Variants in ANO7 observed in about 807,000 individuals in gnomAD.
ANO7 encodes the protein anoctamin-7.
In ANO7, 114 loss-of-function variants were observed where a neutral mutation model predicts 115.8. That is an observed-to-expected ratio of 0.98 (90% CI 0.85 to 1.15). The LOEUF is 1.15. Among genes scored for constraint, ANO7 ranks in the 50% most tolerant of loss-of-function variants. The probability of loss-of-function intolerance (pLI) is 0.00; values close to 1 mark genes in which losing one functional copy is unlikely to be tolerated. For synonymous variants in ANO7, 550 were observed against 498.2 expected, an observed-to-expected ratio of 1.10 and a Z score of -1.38; for missense variants, 1,302 against 1,201.2, an observed-to-expected ratio of 1.08 and a Z score of -1.24.
chr2:241,209,851 C>T (rs947028133), intron 13 of ANO7, among the ~76,000 whole-genome samples: 11 of 152,214 alleles, frequency 7.2e-5, no homozygotes, highest in South Asian at 4.2e-4. Flanking sequence ...AGGGTCTCCC[C>T]GTGGGTGCGG....
intron 21 of ANO7, among the ~76,000 whole-genome samples, 194 bp from the exon 22 acceptor site, chr2:241,222,992 C>T (rs748534036): frequency 2.0e-5 from 3 of 152,196 alleles, no homozygotes; most frequent in Non-Finnish European, 2.9e-5. Context: ...TGGAACCCAC[C>T]AGTTAAAGGT....
chr2:241,216,004 T>C lies in ANO7; in HGVS notation c.1827-89T>C, dbSNP rs2068820324. 14 of 1,483,438 alleles carry C rather than the reference T, an allele frequency of 9.4e-6. No homozygotes were observed. The Middle Eastern group carries it at 7.4e-4, about 78-fold the overall frequency. The allele number at this position is 1,483,438 out of a possible 1,614,324, so 91.9% of individuals were successfully genotyped here. The stretch of plus-strand genomic sequence containing the variant: ...GCCCTTCAATTGCAAAGCAACAGGC[T>C]TGTCCCGGCCACATCTCCCCCAAGG... On this transcript the variant is annotated intron_variant, in intron 18 of 24. Coordinates refer to ENST00000674324, the MANE Select transcript of ANO7 (RefSeq NM_001370694.2).
At chr2:241,231,537 T>C in the ANO7 span, among the ~76,000 whole-genome samples, 1 of 152,218 alleles carries the variant, frequency 6.6e-6, no homozygotes, top group South Asian at 2.1e-4. Context: ...CAGGCAAGAA[T>C]TCTGGACTCA....
rs763945681 is a variant in ANO7 at position 241,195,819 on chromosome 2, C to G, written c.283C>G (p.Arg95Gly). The G allele has an allele frequency of 1.9e-6, 3 of 1,614,220 alleles. No individual in the cohort carries two copies. Among genetic ancestry groups the G allele is most frequent in the Non-Finnish European group, 2.5e-6 (3 of 1,180,022 alleles). ...TWRETFLDNL[R>G]AAGLCVDQQD... ...GCGGGAGACTTTTCTGGATAATCTTCGTGCGGCTGGGCTGTGTGTAGACCA... is the reference window on the plus strand; with the variant it reads ...GCGGGAGACTTTTCTGGATAATCTTGGTGCGGCTGGGCTGTGTGTAGACCA... The change falls in exon 4 of 25, where the codon CGT becomes GGT. Residue 95 changes from arginine (R) to glycine (G), a missense_variant. Physicochemically the swap from Arg to Gly is moderately radical, Grantham distance 125 (BLOSUM62 -2). Coordinates refer to ENST00000674324, the MANE Select transcript of ANO7 (RefSeq NM_001370694.2).
chr2:241,220,976 A>AAAAAAAAG (rs1365571818), intron 21 of ANO7, among the ~76,000 whole-genome samples: 1 of 151,686 alleles, frequency 6.6e-6, no homozygotes, highest in Non-Finnish European at 1.5e-5. Context: ...GTCTCAGGAA[A>AAAAAAAAG]AAAAAAAGAA....
In ANO7 at chr2:241,203,820, C is replaced by T. The variant is rs1341785046; in HGVS notation, c.889+322C>T. Among the ~76,000 whole-genome samples, 1 of 152,050 alleles carries T rather than the reference C, an allele frequency of 6.6e-6. No individual in the cohort carries two copies. The highest frequency in any genetic ancestry group is 1.5e-5 in the Non-Finnish European group (1 of 67,974). On this transcript the variant is annotated intron_variant, in intron 9 of 24. Coordinates refer to ENST00000674324, the MANE Select transcript of ANO7 (RefSeq NM_001370694.2). The surrounding 1 kb of genome is among the most constrained non-coding windows in gnomAD (Gnocchi z 4.8). ...GCCCTGGGGCAACCCCAGGAACTTC[C>T]ATCCTAGGGAGGTCGCCCCTGCCTG... is the stretch of plus-strand genomic sequence containing the variant.
rs186566981 is a variant in ANO7 at position 241,191,671 on chromosome 2, G to C, written c.166+420G>C. Among the ~76,000 whole-genome samples, 223 of 152,106 alleles carry C rather than the reference G, an allele frequency of 1.5e-3. 1 individual carries two copies. Among genetic ancestry groups the C allele is most frequent in the Middle Eastern group, 6.8e-3 (2 of 294 alleles). ...CCCGGAGCTACCACCGACTCCAGGG[G>C]ATTGCACCAGCACCAGCCGGGCTCC... On this transcript the variant is annotated intron_variant, in intron 3 of 24. Transcript: ENST00000674324.
chr2:241,223,793 A>G lies in ANO7; in HGVS notation c.2532+12A>G, dbSNP rs776150207. On this transcript the variant is annotated intron_variant, in intron 23 of 24. Coordinates refer to ENST00000674324, the MANE Select transcript of ANO7 (RefSeq NM_001370694.2). ...TGGCTGAGAATGAGGTGAACTGTAC[A>G]GCCCAGTCTCGGCCCTCCCCCCAGC... 1.9e-6 allele frequency: 3 copies of G among 1,614,216 alleles called. No individual in the cohort carries two copies. In the Admixed American group the frequency reaches 5.0e-5, roughly 27 times the overall value.
chr2:241,230,062 G>GGTGGCACTTGTGTT, downstream of ANO7: 1 of 1,584,032 alleles, frequency 6.3e-7, no homozygotes, highest in Non-Finnish European at 8.6e-7. The surrounding 1 kb of genome is among the most constrained non-coding windows in gnomAD (Gnocchi z 5.0). Flanking sequence ...GGAAACACAA[G>GGTGGCACTTGTGTT]TGCCACCTTG....
At chr2:241,216,515 G>A (rs1303803259) in intron 19 of ANO7, among the ~76,000 whole-genome samples, 1 of 152,238 alleles carries the variant, frequency 6.6e-6, no homozygotes, top group African/African-American at 2.4e-5. Context: ...GGGGTCCCTG[G>A]ACCTAGAAAG....
At chr2:241,199,850 AC>A (rs1030951104) in intron 5 of ANO7, among the ~76,000 whole-genome samples, 4 of 151,854 alleles carry the variant, frequency 2.6e-5, no homozygotes, top group Non-Finnish European at 5.9e-5. Context: ...ACCAGTTCCC[AC>A]CCCTTTTCCA....
At chr2:241,236,447 G>C in the ANO7 span, 3 of 680,936 alleles carry the variant, frequency 4.4e-6, no homozygotes, top group Non-Finnish European at 7.6e-6. Context: ...CCCAAACTCT[G>C]TGTCCAGCCG....
downstream of ANO7, chr2:241,229,413 C>T (rs750465650): frequency 2.9e-5 from 16 of 546,848 alleles, no homozygotes; most frequent in Admixed American, 6.3e-5. Context: ...AGGTCCTGAG[C>T]GGGCACGGCC....
the ANO7 span, chr2:241,233,962 G>A: frequency 1.9e-6 from 3 of 1,614,124 alleles, no homozygotes; most frequent in Non-Finnish European, 2.5e-6. This position sits in a 1 kb window ranked among gnomAD's most constrained non-coding sequence, Gnocchi z 4.3. Flanking sequence ...ACTCCTTAAA[G>A]CCTACAAATG....
the ANO7 span, chr2:241,236,450 T>G: frequency 1.4e-6 from 1 of 695,056 alleles, no homozygotes; most frequent in Non-Finnish European, 2.5e-6. Flanking sequence ...AAACTCTGTG[T>G]CCAGCCGAGA....
chr2:241,215,583 G>C (rs992836059), intron 18 of ANO7, among the ~76,000 whole-genome samples: 4 of 152,242 alleles, frequency 2.6e-5, no homozygotes, highest in African/African-American at 9.6e-5. Flanking sequence ...GGAACTATTG[G>C]TGCTGTGAAA....
At chr2:241,220,705 C>T (rs932701161) in intron 21 of ANO7, among the ~76,000 whole-genome samples, 6 of 152,196 alleles carry the variant, frequency 3.9e-5, no homozygotes, top group South Asian at 2.1e-4. Context: ...GAGGCTGAGG[C>T]GGGAGAATGG....
At chr2:241,198,267 C>A (rs949330525) in intron 4 of ANO7, among the ~76,000 whole-genome samples, 2 of 152,228 alleles carry the variant, frequency 1.3e-5, no homozygotes, top group Non-Finnish European at 2.9e-5. Context: ...CCCGCTCTCC[C>A]TGGCTTCCTT....
chr2:241,222,552 C>G (rs1367651871), intron 21 of ANO7, among the ~76,000 whole-genome samples: 4 of 151,838 alleles, frequency 2.6e-5, no homozygotes, highest in Non-Finnish European at 5.9e-5. Flanking sequence ...GATTTTTTTT[C>G]CAATGGCTAT....
Sources: allele counts gnomAD v4.1 joint callset (sites outside exome capture counted in the v4.1 genomes callset), GRCh38; gene constraint gnomAD v4.1.1; non-coding constraint Gnocchi (gnomAD v3.1); transcripts MANE v1.5; gene names NCBI Gene and HGNC (gene_info 2026-07-23, HGNC 2026-07-21).